GRID2: variants seen among roughly 807,000 people sequenced by gnomAD.
The protein encoded by GRID2 is glutamate receptor ionotropic, delta-2.
A neutral mutation model predicts 114.8 loss-of-function variants in GRID2; 33 were observed. The ratio of observed to expected loss-of-function variants is 0.29; its 90% CI spans 0.22 to 0.38. The LOEUF is 0.38. GRID2 is among the 10% of genes least tolerant of loss of function. GRID2 has a pLI of 1.00. For synonymous variants in GRID2, 505 were observed against 449.9 expected (o/e 1.12, Z -1.55); for missense variants, 1,184 against 1,257.7 (o/e 0.94, Z 0.89).
chr4:93,394,653 A>G (rs1234680615), intron 8 of GRID2, among the ~76,000 whole-genome samples: 4 of 152,014 alleles, frequency 2.6e-5, no homozygotes, highest in Non-Finnish European at 4.4e-5. Flanking sequence ...GTCTCTGAAT[A>G]TGATGAAAGA....
chr4:93,582,861 C>G (rs1737119393), intron 13 of GRID2, among the ~76,000 whole-genome samples: 2 of 152,090 alleles, frequency 1.3e-5, no homozygotes, highest in African/African-American at 2.4e-5. Context: ...TATTAATTTC[C>G]TAGGGCTGCC....
chr4:93,246,309 C>T (rs1228123514), intron 8 of GRID2, among the ~76,000 whole-genome samples: 2 of 152,000 alleles, frequency 1.3e-5, no homozygotes, highest in African/African-American at 4.8e-5. Flanking sequence ...GAAGTAGGGC[C>T]TGGCATGGTG....
chr4:92,678,658 A>C (rs1357351201), intron 2 of GRID2, among the ~76,000 whole-genome samples: 1 of 151,614 alleles, frequency 6.6e-6, no homozygotes, highest in Non-Finnish European at 1.5e-5. Context: ...AAAAAAAAAA[A>C]CCTTAGATTC....
At chr4:93,016,959 G>A (rs1467284551) in intron 2 of GRID2, among the ~76,000 whole-genome samples, 5 of 152,040 alleles carry the variant, frequency 3.3e-5, no homozygotes, top group East Asian at 1.9e-4. Flanking sequence ...CTTCTGTCAC[G>A]TTTTGGGGTA....
At chr4:92,656,819 A>C (rs888755591) in intron 2 of GRID2, among the ~76,000 whole-genome samples, 1 of 151,816 alleles carries the variant, frequency 6.6e-6, no homozygotes, top group African/African-American at 2.4e-5. Flanking sequence ...TTTAGCAATT[A>C]GAGTAATTTT....
chr4:92,880,101 AG>A (rs1423992876), intron 2 of GRID2, among the ~76,000 whole-genome samples: 4 of 152,238 alleles, frequency 2.6e-5, no homozygotes, highest in Non-Finnish European at 4.4e-5. Context: ...ACAGGAAATC[AG>A]GATCTCAAGT....
intron 8 of GRID2, among the ~76,000 whole-genome samples, chr4:93,344,295 T>C (rs964470041): frequency 6.6e-6 from 1 of 152,054 alleles, no homozygotes; most frequent in East Asian, 1.9e-4. Flanking sequence ...TAAGACTTTA[T>C]GGAGGTAGAC....
At chr4:93,519,067 T>C (rs1730088859) in intron 13 of GRID2, among the ~76,000 whole-genome samples, 1 of 152,108 alleles carries the variant, frequency 6.6e-6, no homozygotes, top group Non-Finnish European at 1.5e-5. Context: ...TATCCCAGCC[T>C]TTCTAAACGT....
chr4:93,346,375 G>GCTTTGACTTC (rs1219591327), intron 8 of GRID2, among the ~76,000 whole-genome samples: 1 of 152,156 alleles, frequency 6.6e-6, no homozygotes, highest in Admixed American at 6.6e-5. Context: ...AGGACTGGAA[G>GCTTTGACTTC]CTTTGACTTC....
chr4:92,737,797 C>T (rs1041414834), intron 2 of GRID2, among the ~76,000 whole-genome samples: 13 of 152,148 alleles, frequency 8.5e-5, no homozygotes, highest in African/African-American at 2.6e-4. Context: ...GAGTATTTTT[C>T]TTCATTTAAT....
At chr4:92,711,866 G>C (rs6813338) in intron 2 of GRID2, among the ~76,000 whole-genome samples, 28,218 of 152,124 alleles carry the variant, frequency 0.19, 2,793 homozygotes, top group East Asian at 0.34. Flanking sequence ...TCCTGCCACT[G>C]CATTCCAGTT....
intron 2 of GRID2, among the ~76,000 whole-genome samples, chr4:92,824,357 T>C (rs77071807): frequency 0.039 from 6,007 of 152,196 alleles, 171 homozygotes; most frequent in East Asian, 0.12. Flanking sequence ...ATGATTTTTT[T>C]CCCCATTTCT....
At chr4:93,223,490 G>T (rs13110787) in intron 6 of GRID2, among the ~76,000 whole-genome samples, 39,238 of 152,026 alleles carry the variant, frequency 0.26, 6,391 homozygotes, top group Admixed American at 0.41. Context: ...CCAAAGCTTA[G>T]TACCATCCTG....
chr4:92,673,554 G>A (rs868629086), intron 2 of GRID2, among the ~76,000 whole-genome samples: 10 of 152,048 alleles, frequency 6.6e-5, no homozygotes, highest in African/African-American at 2.4e-4. Context: ...CTGCATGTCC[G>A]CTAAGGAAAT....
intron 14 of GRID2, among the ~76,000 whole-genome samples, chr4:93,666,449 G>A (rs1308926303): frequency 6.6e-6 from 1 of 152,054 alleles, no homozygotes. Context: ...TTCAGAGGAA[G>A]ATGGGGTTTG....
chr4:93,076,714 T>C (rs1729347485), intron 2 of GRID2, among the ~76,000 whole-genome samples: 1 of 148,198 alleles, frequency 6.7e-6, no homozygotes, highest in Admixed American at 6.9e-5. Context: ...GCCTCCCGGG[T>C]TCAAGCAATT....
intron 13 of GRID2, among the ~76,000 whole-genome samples, chr4:93,528,212 C>A (rs1731110352): frequency 6.6e-6 from 1 of 151,640 alleles, no homozygotes; most frequent in Non-Finnish European, 1.5e-5. Context: ...TTTTGTTTAT[C>A]TGTTCATTAT....
intron 2 of GRID2, among the ~76,000 whole-genome samples, chr4:92,852,931 A>G (rs1743928406): frequency 6.6e-6 from 1 of 152,014 alleles, no homozygotes; most frequent in South Asian, 2.1e-4. Flanking sequence ...CCATGAACCC[A>G]GGAATAATCA....
intron 13 of GRID2, among the ~76,000 whole-genome samples, chr4:93,588,408 G>T (rs1243356000): frequency 6.6e-6 from 1 of 152,036 alleles, no homozygotes; most frequent in Admixed American, 6.6e-5. Context: ...AAAAATTAGG[G>T]TTCAGAGTTA....
Sources: gnomAD v4.1 joint callset for allele counts (sites outside exome capture counted in the v4.1 genomes callset) on GRCh38, gnomAD v4.1.1 for gene constraint, MANE v1.5 for transcripts, NCBI Gene and HGNC (gene_info 2026-07-23, HGNC 2026-07-21) for gene names.